The following ARHGAP19 variants were observed in gnomAD, a reference collection of about 807,000 sequenced individuals.
ARHGAP19 encodes the protein Rho GTPase activating protein 19, also known as rho GTPase-activating protein 19.
In ARHGAP19, 48 loss-of-function variants were observed where a neutral mutation model predicts 60.9. That is an observed-to-expected ratio of 0.79 (90% CI 0.62 to 1.00). ARHGAP19 has a LOEUF of 1.00. Among genes scored for constraint, ARHGAP19 ranks in the 50% least tolerant of loss-of-function variants. The pLI is 0.00. For synonymous variants in ARHGAP19, 209 were observed against 215.5 expected, an observed-to-expected ratio of 0.97 and a Z score of 0.27; for missense variants, 562 against 597.2, an observed-to-expected ratio of 0.94 and a Z score of 0.61.
chr10:97,252,169 C>T (rs1404028193), intron 6 of ARHGAP19, among the ~76,000 whole-genome samples: 3 of 151,888 alleles, frequency 2.0e-5, no homozygotes, highest in Admixed American at 2.0e-4. Flanking sequence ...CATAGCAAGA[C>T]CTCATCTCTA....
At chr10:97,281,606 G>A (rs1326993527) in intron 1 of ARHGAP19, among the ~76,000 whole-genome samples, 1 of 152,088 alleles carries the variant, frequency 6.6e-6, no homozygotes, top group African/African-American at 2.4e-5. Context: ...TAACTTTACG[G>A]TATTGTAAGG....
At chr10:97,280,604 G>A (rs2134918097) in intron 1 of ARHGAP19, among the ~76,000 whole-genome samples, 1 of 149,428 alleles carries the variant, frequency 6.7e-6, no homozygotes, top group South Asian at 2.1e-4. Flanking sequence ...TTTCCCCTAA[G>A]ACAGGGTCTC....
chr10:97,252,949 C>A (rs919904925), intron 6 of ARHGAP19, among the ~76,000 whole-genome samples: 1 of 152,062 alleles, frequency 6.6e-6, no homozygotes, highest in African/African-American at 2.4e-5. Context: ...GGCGTATATA[C>A]ACAATGGAAT....
intron 1 of ARHGAP19, among the ~76,000 whole-genome samples, chr10:97,278,555 C>T (rs932631856): frequency 2.6e-5 from 4 of 152,008 alleles, no homozygotes; most frequent in Admixed American, 6.6e-5. Context: ...GAGTATCAAT[C>T]AGGTGGATTG....
At chr10:97,270,506 G>GA (rs1842948106) in intron 1 of ARHGAP19, 2 of 906,532 alleles carry the variant, frequency 2.2e-6, no homozygotes, top group South Asian at 3.5e-5. Context: ...TAGGACTAAA[G>GA]AAAAAACTAC....
chr10:97,239,550 GGGTGTGTGTGTGTGTGTGTGTGT>G (rs1842439981), intron 8 of ARHGAP19, among the ~76,000 whole-genome samples: 90 of 115,030 alleles, frequency 7.8e-4, no homozygotes, highest in Admixed American at 1.2e-3. Context: ...GAGAGAGAGA[GGGTGTGTGTGTGTGTGTGTGTGT>G]GTGTGTGTGT....
rs954901377 is a variant in ARHGAP19, at chr10:97,224,369, G to A, written c.*1753C>T. ...AGTCAAATATTTAATAGAAACCTAC[G>A]CAAACGAATTTGCTAATATGTGTTT... On this transcript the variant is annotated 3_prime_UTR_variant, in exon 12 of 12. Coordinates refer to ENST00000358531, the MANE Select transcript of ARHGAP19 (RefSeq NM_032900.6). The A allele has an allele frequency of 3.3e-5, 5 of 152,106 alleles. No individual in the cohort carries two copies. The highest frequency in any genetic ancestry group is 9.7e-5 in the African/African-American group (4 of 41,412). 9.4% of individuals were successfully genotyped at this position (152,106 alleles called of 1,614,324 possible).
At chr10:97,261,965 A>G (rs910504084) in intron 4 of ARHGAP19, among the ~76,000 whole-genome samples, 1 of 152,186 alleles carries the variant, frequency 6.6e-6, no homozygotes, top group African/African-American at 2.4e-5. Flanking sequence ...CCACAGAACC[A>G]TGTGTGTAAC....
At chr10:97,256,481 A>T in intron 5 of ARHGAP19, 77 bp from the exon 6 acceptor site, 1 of 1,057,928 alleles carries the variant, frequency 9.5e-7, no homozygotes, top group Non-Finnish European at 1.5e-6. Context: ...CTGTTCTTTC[A>T]AATGTATGAA....
intron 1 of ARHGAP19, among the ~76,000 whole-genome samples, chr10:97,274,324 G>C (rs1319233957): frequency 6.6e-6 from 1 of 152,120 alleles, no homozygotes; most frequent in Non-Finnish European, 1.5e-5. Flanking sequence ...AATTAGCAGG[G>C]CATGGTGGCG....
chr10:97,284,109 A>G (rs974467741), intron 1 of ARHGAP19, among the ~76,000 whole-genome samples: 6 of 151,100 alleles, frequency 4.0e-5, no homozygotes, highest in Non-Finnish European at 5.9e-5. Flanking sequence ...TTTTTCTCTT[A>G]TTTTTATTTG....
chr10:97,254,551 A>T (rs546643923), intron 6 of ARHGAP19, among the ~76,000 whole-genome samples: 35 of 152,342 alleles, frequency 2.3e-4, no homozygotes, highest in African/African-American at 8.4e-4. Flanking sequence ...GGTCAAAGAC[A>T]TAAACATAAG....
At chr10:97,275,005 C>A (rs185310280) in intron 1 of ARHGAP19, 2 of 152,406 alleles carry the variant, frequency 1.3e-5, no homozygotes, top group African/African-American at 4.8e-5. Flanking sequence ...TGCTGTGGGT[C>A]GCCACCTCCA....
At chr10:97,250,977 C>T (rs1212491302) in intron 6 of ARHGAP19, among the ~76,000 whole-genome samples, 1 of 151,078 alleles carries the variant, frequency 6.6e-6, no homozygotes, top group Non-Finnish European at 1.5e-5. Flanking sequence ...GTGGGAGGAT[C>T]GCTTGAGCCT....
intron 1 of ARHGAP19, among the ~76,000 whole-genome samples, chr10:97,282,839 C>CTTTTTT (rs56387291): frequency 2.6e-3 from 231 of 90,420 alleles, no homozygotes; most frequent in Middle Eastern, 5.9e-3. Context: ...TTTCTTTTTT[C>CTTTTTT]TTTTTTTTTT....
chr10:97,276,404 C>G (rs1589378966), intron 1 of ARHGAP19, among the ~76,000 whole-genome samples: 1 of 6,168 alleles, frequency 1.6e-4, no homozygotes, highest in Non-Finnish European at 7.0e-4. Context: ...CCCGGCCAGC[C>G]GCCCCGTCTG....
Position 97,241,500 on chromosome 10 carries a change from G to A in ARHGAP19, c.1185+2468C>T, listed in dbSNP as rs148917316. ...GAGGCCGAGGCAGGTGATCACTTGAGGTCAGGAGTTCAAGACCAGCCTGGC... is the reference window on the plus strand; with the variant it reads ...GAGGCCGAGGCAGGTGATCACTTGAAGTCAGGAGTTCAAGACCAGCCTGGC... On this transcript the variant is annotated intron_variant, in intron 8 of 11. Transcript: ENST00000358531. 6.3e-3 allele frequency among the ~76,000 whole-genome samples: 951 copies of A among 152,114 alleles called. 9 individuals carry two copies. The highest frequency in any genetic ancestry group is 0.022 in the African/African-American group (909 of 41,502).
At chr10:97,291,017 T>A (rs1401151537) in intron 1 of ARHGAP19, among the ~76,000 whole-genome samples, 4 of 152,118 alleles carry the variant, frequency 2.6e-5, no homozygotes, top group Non-Finnish European at 5.9e-5. Context: ...CGCATCCACC[T>A]TTAAACACGG....
chr10:97,264,385 C>A (rs1167975293), intron 3 of ARHGAP19, among the ~76,000 whole-genome samples: 2 of 150,992 alleles, frequency 1.3e-5, no homozygotes, highest in Non-Finnish European at 2.9e-5. Flanking sequence ...CCCGGGAGGT[C>A]AAGGCTGCAG....
Sources: gnomAD v4.1 joint callset for allele counts (sites outside exome capture counted in the v4.1 genomes callset) on GRCh38, gnomAD v4.1.1 for gene constraint, MANE v1.5 for transcripts, NCBI Gene and HGNC (gene_info 2026-07-23, HGNC 2026-07-21) for gene names.